The following GCH1 variants were observed in gnomAD, a reference collection of about 807,000 sequenced individuals.
GCH1 encodes the protein GTP cyclohydrolase I.
GCH1 carries 5 observed loss-of-function variants against 25.9 expected under a neutral mutation model. The ratio of observed to expected loss-of-function variants is 0.19; its 90% CI spans 0.10 to 0.41. GCH1 has a LOEUF of 0.41. Among genes scored for constraint, GCH1 ranks in the 10% least tolerant of loss-of-function variants. The pLI is 1.00. For synonymous variants in GCH1, 159 were observed against 129.6 expected, an observed-to-expected ratio of 1.23 and a Z score of -1.54; for missense variants, 261 against 336.5, an observed-to-expected ratio of 0.78 and a Z score of 1.75.
intron 1 of GCH1, among the ~76,000 whole-genome samples, chr14:54,877,297 T>C (rs12147422): frequency 0.21 from 32,683 of 152,068 alleles, 4,894 homozygotes; most frequent in East Asian, 0.42. Flanking sequence ...ACAAACAAAA[T>C]GAAAGCAGCC....
chr14:54,850,222 T>C (rs1355285434), intron 3 of GCH1, among the ~76,000 whole-genome samples: 3 of 152,116 alleles, frequency 2.0e-5, no homozygotes, highest in Non-Finnish European at 4.4e-5. Context: ...TCCGCCTGCC[T>C]TGGCCTCCCA....
At chr14:54,848,811 G>A (rs1164454143) in intron 3 of GCH1, among the ~76,000 whole-genome samples, 1 of 152,074 alleles carries the variant, frequency 6.6e-6, no homozygotes, top group Non-Finnish European at 1.5e-5. Context: ...TATTCTATTG[G>A]TATTTTGAAC....
chr14:54,897,395 T>C (rs2040503832), intron 1 of GCH1, among the ~76,000 whole-genome samples: 1 of 151,562 alleles, frequency 6.6e-6, no homozygotes, highest in Non-Finnish European at 1.5e-5. Context: ...TTCAAGCAAT[T>C]CTCCTGCTTC....
Position 54,880,390 on chromosome 14 carries a change from T to A in GCH1, c.344-14954A>T, listed in dbSNP as rs961257390. On this transcript the variant is annotated intron_variant, in intron 1 of 5. Transcript: ENST00000491895. ...TATATATTTTATATATAATATAATA[T>A]ATATTATATAATACATAATATATAA... Among the ~76,000 whole-genome samples, 4 of 141,980 alleles carry A rather than the reference T, an allele frequency of 2.8e-5. No individual in the cohort carries two copies. In the South Asian group the frequency reaches 8.4e-4, roughly 30 times the overall value. The allele number at this position is 141,980 out of a possible 152,430, so 93.1% of individuals were successfully genotyped here.
intron 3 of GCH1, chr14:54,859,463 T>A (rs1485286235): frequency 1.7e-6 from 1 of 572,772 alleles, no homozygotes; most frequent in Non-Finnish European, 3.1e-6. Context: ...TGTATGTATC[T>A]ATGGAAGAAA....
At chr14:54,858,487 T>C (rs2039847011) in intron 3 of GCH1, among the ~76,000 whole-genome samples, 1 of 152,070 alleles carries the variant, frequency 6.6e-6, no homozygotes. Context: ...GGTTTCACCA[T>C]GTTGGTGAGG....
intron 1 of GCH1, among the ~76,000 whole-genome samples, chr14:54,897,920 A>T (rs774702285): frequency 1.3e-5 from 2 of 152,266 alleles, no homozygotes; most frequent in African/African-American, 2.4e-5. Context: ...GCAGTTTCAT[A>T]TCGCAAACAC....
chr14:54,845,141 C>G (rs2039621425), intron 5 of GCH1, among the ~76,000 whole-genome samples: 1 of 151,746 alleles, frequency 6.6e-6, no homozygotes, highest in East Asian at 1.9e-4. Flanking sequence ...CCATTGCACT[C>G]CAGCCTGGGT....
chr14:54,886,310 C>G (rs967707137), intron 1 of GCH1: 4 of 152,772 alleles, frequency 2.6e-5, no homozygotes, highest in African/African-American at 9.7e-5. Flanking sequence ...CCACAACTCG[C>G]ATTAGTCAAA....
chr14:54,855,744 G>A (rs188196113), intron 3 of GCH1, among the ~76,000 whole-genome samples: 117 of 151,996 alleles, frequency 7.7e-4, no homozygotes, highest in African/African-American at 2.6e-3. Flanking sequence ...AACCCAGGAG[G>A]CAGAGGTTGC....
intron 1 of GCH1, among the ~76,000 whole-genome samples, chr14:54,866,621 T>C (rs974264768): frequency 3.3e-5 from 5 of 152,010 alleles, no homozygotes; most frequent in Non-Finnish European, 7.4e-5. Flanking sequence ...TGCAGCTCTT[T>C]CCCCTCAGAA....
chr14:54,878,193 A>G (rs759882905), intron 1 of GCH1: 2 of 154,534 alleles, frequency 1.3e-5, no homozygotes, highest in Non-Finnish European at 2.9e-5. Flanking sequence ...CTGAACCCAT[A>G]GTATAGGAAT....
chr14:54,882,987 G>C (rs1438251469), intron 1 of GCH1, among the ~76,000 whole-genome samples: 1 of 152,168 alleles, frequency 6.6e-6, no homozygotes, highest in Non-Finnish European at 1.5e-5. Flanking sequence ...GATGGACCCA[G>C]GATAAGTCGT....
chr14:54,852,083 C>T (rs1021999769), intron 3 of GCH1, among the ~76,000 whole-genome samples: 2 of 152,168 alleles, frequency 1.3e-5, no homozygotes, highest in Non-Finnish European at 2.9e-5. Context: ...AGCCACTGCA[C>T]CCAGCCTATT....
At chr14:54,863,370 C>T (rs1358215466) in intron 2 of GCH1, among the ~76,000 whole-genome samples, 5 of 134,478 alleles carry the variant, frequency 3.7e-5, no homozygotes, top group Non-Finnish European at 1.5e-5. Flanking sequence ...TGCAGTGAGC[C>T]GAGATCACAC....
intron 1 of GCH1, among the ~76,000 whole-genome samples, chr14:54,886,508 G>A (rs1304361815): frequency 1.5e-4 from 23 of 152,196 alleles, no homozygotes; most frequent in African/African-American, 9.6e-5. Flanking sequence ...GCTGCTCGGG[G>A]GGCTGAGGCA....
intron 1 of GCH1, chr14:54,885,911 C>CAA: frequency 5.9e-5 from 11 of 186,748 alleles, no homozygotes; most frequent in Middle Eastern, 2.2e-3. Context: ...ACAACAACAA[C>CAA]AAAAAAAAAC....
chr14:54,862,379 CTTT>C (rs892910613), intron 2 of GCH1, among the ~76,000 whole-genome samples: 1 of 57,398 alleles, frequency 1.7e-5, no homozygotes, highest in Non-Finnish European at 3.6e-5. Flanking sequence ...AAGCACTACT[CTTT>C]TTTTTTTTTT....
At position 54,902,386 on chromosome 14, in the gene GCH1, T is replaced by C. The variant is rs960988987; in HGVS notation, c.278A>G (p.Lys93Arg). 6 of 1,613,172 alleles carry C rather than the reference T, an allele frequency of 3.7e-6. No individual in the cohort carries two copies. Among genetic ancestry groups the C allele is most frequent in the Non-Finnish European group, 3.4e-6 (4 of 1,179,846 alleles). The change falls in exon 1 of 6, where the codon AAG (lysine) becomes AGG (arginine). Residue 93 changes from lysine to arginine, a missense_variant. Physicochemically the swap from Lys to Arg is conservative, Grantham distance 26. Coordinates refer to ENST00000491895, the MANE Select transcript of GCH1 (RefSeq NM_000161.3). ...GENPQRQGLLKTPWRAASAMQ... is the reference protein window; with the variant it reads ...GENPQRQGLLRTPWRAASAMQ... ...GGCCGAGGCCGCCCTCCAGGGCGTC[T>C]TGAGCAGCCCTTGCCGCTGGGGGTT...
Sources: gnomAD v4.1 joint callset for allele counts (sites outside exome capture counted in the v4.1 genomes callset) on GRCh38, gnomAD v4.1.1 for gene constraint, MANE v1.5 for transcripts, NCBI Gene and HGNC (gene_info 2026-07-23, HGNC 2026-07-21) for gene names.